XYLT2: variants seen among roughly 807,000 people sequenced by gnomAD.
XYLT2 encodes the protein xylosyltransferase 2.
Under a neutral mutation model 82.6 loss-of-function variants are expected in XYLT2, and 37 were observed. That is an observed-to-expected ratio of 0.45 (90% CI 0.34 to 0.59). The LOEUF (loss-of-function observed/expected upper bound fraction) is 0.59. Ranked by LOEUF, XYLT2 falls within the 20% of genes least tolerant of loss-of-function variation. The pLI, the probability that XYLT2 is intolerant of heterozygous loss-of-function variation, is 0.01. For missense variants in XYLT2, 934 were observed against 1,181.3 expected (o/e 0.79, Z 3.07); for synonymous variants, 474 against 499.0 (o/e 0.95, Z 0.67).
rs1238032149 is a variant in XYLT2, at chr17:50,355,053, C to T, written c.1004C>T (p.Thr335Ile). 1 of 1,530,396 alleles carries T rather than the reference C, an allele frequency of 6.5e-7. No individual in the cohort carries two copies. The highest frequency in any genetic ancestry group is 1.3e-5 in the South Asian group (1 of 76,976). 94.8% of individuals were successfully genotyped at this position (1,530,396 alleles called of 1,614,324 possible). ...AACCTCAGTGCCACTGACTATCCAACCAGGTGTGGGGATGGGGCTCTGAGT... is the reference window on the plus strand; with the variant it reads ...AACCTCAGTGCCACTGACTATCCAATCAGGTGTGGGGATGGGGCTCTGAGT... ...FINLSATDYPTRTNEELVAFL... is the reference protein window; with the variant it reads ...FINLSATDYPIRTNEELVAFL... The change falls in exon 4 of 11, where the codon ACC becomes ATC. Residue 335 changes from threonine (T) to isoleucine (I), a missense_variant. Physicochemically the swap from Thr to Ile is moderately conservative, Grantham distance 89 (BLOSUM62 -1). Transcript: ENST00000017003.
chr17:50,354,817 A>G (rs1305181932), intron 3 of XYLT2, 37 bp from the exon 4 acceptor site: 1 of 1,609,394 alleles, frequency 6.2e-7, no homozygotes, highest in East Asian at 2.2e-5. Context: ...GGATGGCGAT[A>G]ACACTGGAGG....
rs200140965 is a variant in XYLT2, at chr17:50,354,375, T to C, written c.629-33T>C. The C allele has an allele frequency of 7.4e-4, 1,170 of 1,574,508 alleles. 1 individual carries two copies. The highest frequency in any genetic ancestry group is 9.4e-4 in the Middle Eastern group (4 of 4,278). On this transcript the variant is annotated intron_variant, in intron 2 of 10. Coordinates refer to ENST00000017003, the MANE Select transcript of XYLT2 (RefSeq NM_022167.4). ...CTCACCCCCACCCTGTGACCTAGGGTGGGCCTCGCCAACGCCTGTCCTCTG... is the reference window on the plus strand; with the variant it reads ...CTCACCCCCACCCTGTGACCTAGGGCGGGCCTCGCCAACGCCTGTCCTCTG...
Position 50,358,417 on chromosome 17 carries a change from C to G in XYLT2, c.2152C>G (p.Leu718Val), listed in dbSNP as rs1265627982. The G allele has an allele frequency of 6.2e-7, 1 of 1,614,180 alleles. No individual in the cohort carries two copies. Among genetic ancestry groups the G allele is most frequent in the South Asian group, 1.1e-5 (1 of 91,090 alleles). ...ETEVTQYKPP[L>V]SRPLRPGPWT... is the part of the protein sequence containing the mutation. ...TGAGGTCACGCAATACAAGCCCCCA[C>G]TGAGCCGGCCCCTGCGGCCAGGGCC... is the stretch of plus-strand genomic sequence containing the variant. Residue 718 changes from leucine to valine, a missense_variant, in exon 10 of 11, where the codon CTG (leucine) becomes GTG (valine). Around this residue, in one of 3 missense-constraint regions of XYLT2, gnomAD observed 374 missense variants for 465.6 expected, o/e 0.80. Coordinates refer to ENST00000017003, the MANE Select transcript of XYLT2 (RefSeq NM_022167.4).
At position 50,346,570 on chromosome 17, in the gene XYLT2, G is replaced by A; in HGVS notation, c.135+295G>A. The A allele has an allele frequency of 1.0e-6, 1 of 976,356 alleles. No homozygotes were observed. Among genetic ancestry groups the A allele is most frequent in the Non-Finnish European group, 1.2e-6 (1 of 821,634 alleles). The allele number at this position is 976,356 out of a possible 1,614,324, so 60.5% of individuals were successfully genotyped here. A position where few individuals can be genotyped will look rare whatever the true frequency, so the allele number is the denominator to read the frequency against. The stretch of plus-strand genomic sequence containing the variant: ...GTCTCCGGCCAAGGGAGCGATGAAG[G>A]TCAGGCGCGGCGAGCGGGGCTGGGA... On this transcript the variant is annotated intron_variant, in intron 1 of 10. Coordinates refer to ENST00000017003, the MANE Select transcript of XYLT2 (RefSeq NM_022167.4). This position sits in a 1 kb window ranked among gnomAD's most constrained non-coding sequence, Gnocchi z 5.1.
rs774852996 is a variant in XYLT2 at position 50,354,964 on chromosome 17, G to A, written c.915G>A (p.Arg305=). ...TCTGGGGCGGGGCCAGCCTCCTGAG[G>A]ATGTACCTGCGGAGCATGCGGGACC... ...VTIWGGASLL[R]MYLRSMRDLL... The change falls in exon 4 of 11, where the codon AGG becomes AGA. Residue 305 remains arginine, a synonymous_variant. Transcript: ENST00000017003. 7.0e-6 allele frequency: 11 copies of A among 1,582,700 alleles called. No homozygotes were observed. The highest frequency in any genetic ancestry group is 1.7e-5 in the Admixed American group (1 of 57,190).
chr17:50,358,435 C>T lies in XYLT2; in HGVS notation c.2170C>T (p.Pro724Ser). 6.2e-7 allele frequency: 1 copy of T among 1,614,182 alleles called. No individual in the cohort carries two copies. The highest frequency in any genetic ancestry group is 1.1e-5 in the South Asian group (1 of 91,084). The change falls in exon 10 of 11, where the codon CCA (proline) becomes TCA (serine). Residue 724 changes from proline to serine, a missense_variant. Physicochemically the swap from Pro to Ser is moderately conservative, Grantham distance 74. This residue lies in a region of XYLT2 where 374 missense variants were observed against 465.6 expected (regional missense o/e 0.80). Coordinates refer to ENST00000017003, the MANE Select transcript of XYLT2 (RefSeq NM_022167.4). ...YKPPLSRPLR[P>S]GPWTVRLLQF... ...GCCCCCACTGAGCCGGCCCCTGCGG[C>T]CAGGGCCCTGGACTGTTCGACTCCT...
Position 50,355,763 on chromosome 17 carries a change from CCT to C in XYLT2, c.1089-13_1089-12del. The C allele has an allele frequency of 6.2e-7, 1 of 1,613,636 alleles. No individual in the cohort carries two copies. The highest frequency in any genetic ancestry group is 8.5e-7 in the Non-Finnish European group (1 of 1,179,738). On this transcript the variant is annotated splice_polypyrimidine_tract_variant and intron_variant, in intron 5 of 10. Coordinates refer to ENST00000017003, the MANE Select transcript of XYLT2 (RefSeq NM_022167.4). ...CACCCTGCAGGATCCCCAGCCATGG[CCT>C]CTCTGCTGCCCACAGGTTCATCAAG...
Position 50,358,313 on chromosome 17 carries a change from A to G in XYLT2, c.2048A>G (p.Asn683Ser), listed in dbSNP as rs201333400. The change falls in exon 10 of 11, where the codon AAC becomes AGC. Residue 683 changes from asparagine to serine, a missense_variant. By Grantham distance (46) the Asn-to-Ser change is conservative (BLOSUM62 1). Transcript: ENST00000017003. ...GTGCAGCGCTGGGCCCGGGGCCCCA[A>G]CCTCACAGCCACAGTGGTCTGGATC... ...VAVQRWARGP[N>S]LTATVVWIDP... is the part of the protein sequence containing the mutation. The G allele has an allele frequency of 5.1e-5, 83 of 1,613,730 alleles. No homozygotes were observed. In the Admixed American group the frequency reaches 1.3e-3, roughly 25 times the overall value.
At position 50,359,523 on chromosome 17, in the gene XYLT2, A is replaced by G. The variant is rs529380085; in HGVS notation, c.2276-446A>G. 266 of 157,634 alleles carry G rather than the reference A, an allele frequency of 1.7e-3. 1 individual carries two copies. Among genetic ancestry groups the G allele is most frequent in the Admixed American group, 4.9e-3 (77 of 15,622 alleles). 9.8% of individuals were successfully genotyped at this position (157,634 alleles called of 1,614,324 possible). A position where few individuals can be genotyped will look rare whatever the true frequency, so the allele number is the denominator to read the frequency against. ...CCTCCCAGTCAAGGGAAGAATGGCA[A>G]CAATGCACAGCAGGTAGGGACAGGG... On this transcript the variant is annotated intron_variant, in intron 10 of 10. Transcript: ENST00000017003.
chr17:50,350,515 C>T (rs12603631), intron 1 of XYLT2, among the ~76,000 whole-genome samples: 36,584 of 105,746 alleles, frequency 0.35, 8,232 homozygotes, highest in East Asian at 0.85. Flanking sequence ...TGGAGTGAGC[C>T]GAGATTGCAC....
At position 50,360,212 on chromosome 17, in the gene XYLT2, G is replaced by T. The variant is rs1358745265; in HGVS notation, c.2519G>T (p.Arg840Ile). 1.2e-6 allele frequency: 2 copies of T among 1,614,088 alleles called. No homozygotes were observed. Among genetic ancestry groups the T allele is most frequent in the Admixed American group, 3.3e-5 (2 of 60,022 alleles). The change falls in exon 11 of 11, where the codon AGA becomes ATA. Residue 840 changes from arginine (R) to isoleucine (I), a missense_variant. Transcript: ENST00000017003. Reference protein sequence around the residue: ...PSPCPSLEPCRLTSWSSLSPD... With the variant: ...PSPCPSLEPCILTSWSSLSPD... ...CCCTGCCCCTCCCTGGAGCCCTGCAGACTGACCAGCTGGAGCTCTCTGTCC... is the reference window on the plus strand; with the variant it reads ...CCCTGCCCCTCCCTGGAGCCCTGCATACTGACCAGCTGGAGCTCTCTGTCC...
chr17:50,354,937 C>T lies in XYLT2; in HGVS notation c.888C>T (p.Thr296=), dbSNP rs770232369. The T allele has an allele frequency of 1.3e-5, 20 of 1,598,306 alleles. No homozygotes were observed. The highest frequency in any genetic ancestry group is 1.5e-5 in the Non-Finnish European group (18 of 1,171,910). Residue 296 remains threonine (T), a synonymous_variant, in exon 4 of 11, where the codon ACC becomes ACT. Coordinates refer to ENST00000017003, the MANE Select transcript of XYLT2 (RefSeq NM_022167.4). The part of the protein sequence containing the change: ...NVRVTPWRMV[T]IWGGASLLRM... ...GGGTGACGCCCTGGCGCATGGTTAC[C>T]ATCTGGGGCGGGGCCAGCCTCCTGA...
At chr17:50,356,924 GC>G in intron 8 of XYLT2, 132 bp from the exon 9 acceptor site, 1 of 1,463,110 alleles carries the variant, frequency 6.8e-7, no homozygotes, top group South Asian at 1.4e-5. Context: ...AGCCAGGCAT[GC>G]AGGTGCTGTG....
intron 1 of XYLT2, among the ~76,000 whole-genome samples, chr17:50,352,388 G>A (rs1289255409): frequency 6.6e-6 from 1 of 152,218 alleles, no homozygotes; most frequent in Non-Finnish European, 1.5e-5. Context: ...GTGTGTGCCA[G>A]CTGCTCTGCT....
intron 1 of XYLT2, among the ~76,000 whole-genome samples, chr17:50,352,717 C>T (rs886402275): frequency 3.3e-5 from 5 of 152,194 alleles, no homozygotes; most frequent in Admixed American, 6.5e-5. Context: ...GCGGTAGAGG[C>T]GCCCCGCTGC....
intron 2 of XYLT2, 69 bp from the exon 3 acceptor site, chr17:50,354,339 C>T: frequency 6.5e-7 from 1 of 1,527,474 alleles, no homozygotes; most frequent in Non-Finnish European, 8.8e-7. Flanking sequence ...CAGGCAGCTC[C>T]CTCTTCCCAT....
chr17:50,355,818 G>A lies in XYLT2; in HGVS notation c.1126G>A (p.Glu376Lys), dbSNP rs1912498384. ...KKQGLDRLFHECDSHMWRLGE... is the reference protein window; with the variant it reads ...KKQGLDRLFHKCDSHMWRLGE... ...ACAGGGCCTGGACCGGCTCTTCCATGAGTGCGACTCACACATGTGGCGCCT... is the reference window on the plus strand; with the variant it reads ...ACAGGGCCTGGACCGGCTCTTCCATAAGTGCGACTCACACATGTGGCGCCT... The change falls in exon 6 of 11, where the codon GAG becomes AAG. Residue 376 changes from glutamate (E) to lysine (K), a missense_variant. By Grantham distance (56) the Glu-to-Lys change is moderately conservative. Around this residue, in one of 3 missense-constraint regions of XYLT2, gnomAD observed 189 missense variants for 320.8 expected, o/e 0.59. Coordinates refer to ENST00000017003, the MANE Select transcript of XYLT2 (RefSeq NM_022167.4). 1 of 1,614,260 alleles carries A rather than the reference G, an allele frequency of 6.2e-7. No individual in the cohort carries two copies. Among genetic ancestry groups the A allele is most frequent in the Non-Finnish European group, 8.5e-7 (1 of 1,180,048 alleles).
At position 50,361,099 on chromosome 17, in the gene XYLT2, C is replaced by T; in HGVS notation, c.*808C>T. On this transcript the variant is annotated 3_prime_UTR_variant, in exon 11 of 11. Coordinates refer to ENST00000017003, the MANE Select transcript of XYLT2 (RefSeq NM_022167.4). ...GAACCTGGAGTAATTGTGCCTGAAG[C>T]TCAGCGTGAAGTCTGAAATATGCAA... 1.0e-6 allele frequency: 1 copy of T among 985,942 alleles called. No individual in the cohort carries two copies. Among genetic ancestry groups the T allele is most frequent in the Non-Finnish European group, 1.2e-6 (1 of 829,952 alleles). The allele number at this position is 985,942 out of a possible 1,614,324, so 61.1% of individuals were successfully genotyped here.
In XYLT2 at chr17:50,354,040, GC is replaced by G. The variant is rs776260867; in HGVS notation, c.547del (p.Gln183ArgfsTer26). 1 of 1,608,326 alleles carries G rather than the reference GC, an allele frequency of 6.2e-7. No homozygotes were observed. Among genetic ancestry groups the G allele is most frequent in the Non-Finnish European group, 8.5e-7 (1 of 1,179,944 alleles). Reference sequence around the variant, plus strand: ...CCCGGGCCAGCACCAAGCAGTGCCAGCAGGAGATCGCCAATGTGGTGTGCCT... The same window carrying G: ...CCCGGGCCAGCACCAAGCAGTGCCAGAGGAGATCGCCAATGTGGTGTGCCT... ...LARASTKQCQQEIANVVCLHQ... is the reference protein window; with the variant it reads ...LARASTKQCQXEIANVVCLHQ... On this transcript the variant is annotated frameshift_variant, in exon 2 of 11. Transcript: ENST00000017003. LOFTEE classifies it high-confidence loss of function.
Sources: gnomAD v4.1 joint callset for allele counts (sites outside exome capture counted in the v4.1 genomes callset) on GRCh38, gnomAD v4.1.1 for gene constraint, gnomAD v4.1.1 regional missense constraint, Gnocchi (gnomAD v3.1) non-coding constraint, MANE v1.5 for transcripts, NCBI Gene and HGNC (gene_info 2026-07-23, HGNC 2026-07-21) for gene names.